The following TRIO variants were observed in gnomAD, a reference collection of about 807,000 sequenced individuals.
TRIO encodes triple functional domain protein.
A neutral mutation model predicts 351.9 loss-of-function variants in TRIO; 58 were observed. The observed-to-expected ratio is 0.16, with a 90% CI of 0.13 to 0.21. The LOEUF is 0.21. Ranked by LOEUF, TRIO falls within the 10% of genes least tolerant of loss-of-function variation. TRIO has a pLI of 1.00. For synonymous variants in TRIO, 1,758 were observed against 1,595.7 expected, an observed-to-expected ratio of 1.10 and a Z score of -2.42; for missense variants, 3,201 against 4,027.8, an observed-to-expected ratio of 0.79 and a Z score of 5.56.
rs775980433 is a variant in TRIO, at chr5:14,406,634, G to A, written c.4921G>A (p.Ala1641Thr). 41 of 1,613,974 alleles carry A rather than the reference G, an allele frequency of 2.5e-5. No homozygotes were observed. The Admixed American group carries it at 3.7e-4, about 14-fold the overall frequency. ...GSSQPDTISI[A>T]SRTSQNTLDS... ...CAGCCAGCCTGATACGATTTCCATC[G>A]CCTCACGGACGTCTCAGAACACGCT... The change falls in exon 33 of 57, where the codon GCC becomes ACC. Residue 1641 changes from alanine to threonine, a missense_variant. Around this residue, in one of 19 missense-constraint regions of TRIO, gnomAD observed 136 missense variants for 229.5 expected, o/e 0.59. Transcript: ENST00000344204.
At chr5:14,350,863 G>A (rs750038698) in intron 11 of TRIO, among the ~76,000 whole-genome samples, 11 of 152,196 alleles carry the variant, frequency 7.2e-5, no homozygotes, top group Non-Finnish European at 1.3e-4. Context: ...ACAGACCAGC[G>A]GTGTTGGTGG....
chr5:14,206,079 TGA>T (rs1383140131), intron 1 of TRIO, among the ~76,000 whole-genome samples: 3 of 150,650 alleles, frequency 2.0e-5, no homozygotes, highest in African/African-American at 7.3e-5. Context: ...TTTTTATTTT[TGA>T]GATGGTTTCT....
At chr5:14,200,612 T>G (rs1483022830) in intron 1 of TRIO, among the ~76,000 whole-genome samples, 1 of 152,166 alleles carries the variant, frequency 6.6e-6, no homozygotes, top group East Asian at 1.9e-4. Flanking sequence ...TGGAAATTGG[T>G]GGACTGAACC....
intron 21 of TRIO, 100 bp downstream of exon 21, chr5:14,381,352 C>G: frequency 7.1e-7 from 1 of 1,410,526 alleles, no homozygotes; most frequent in East Asian, 2.4e-5. Context: ...AAAAGGATGA[C>G]CCAGTGGGCT....
chr5:14,426,492 A>T (rs774109847), intron 34 of TRIO, among the ~76,000 whole-genome samples: 11 of 152,240 alleles, frequency 7.2e-5, no homozygotes, highest in Non-Finnish European at 1.3e-4. Flanking sequence ...AAGTCCAGTT[A>T]GATGAACTCC....
intron 21 of TRIO, among the ~76,000 whole-genome samples, chr5:14,384,417 A>G (rs565130376): frequency 2.0e-5 from 3 of 152,350 alleles, no homozygotes; most frequent in Middle Eastern, 3.4e-3. Flanking sequence ...CAGTTCCTCG[A>G]TTATGCCTAC....
intron 33 of TRIO, among the ~76,000 whole-genome samples, chr5:14,407,133 C>T (rs1748799289): frequency 6.6e-6 from 1 of 152,058 alleles, no homozygotes; most frequent in South Asian, 2.1e-4. Flanking sequence ...CACGGCATCC[C>T]TGGAGGACAG....
At position 14,508,216 on chromosome 5, in the gene TRIO, C is replaced by T. The variant is rs2126724644; in HGVS notation, c.9088C>T (p.Leu3030Phe). 1.9e-6 allele frequency: 3 copies of T among 1,614,114 alleles called. No homozygotes were observed. Among genetic ancestry groups the T allele is most frequent in the Non-Finnish European group, 2.5e-6 (3 of 1,180,042 alleles). Residue 3030 changes from leucine (L) to phenylalanine (F), a missense_variant, in exon 57 of 57, where the codon CTC (leucine) becomes TTC (phenylalanine). Physicochemically the swap from Leu to Phe is conservative, Grantham distance 22. Transcript: ENST00000344204. ...SQKAKEFVCF[L>F]LQEDPAKRPS... ...GAAGGCCAAGGAGTTCGTGTGCTTC[C>T]TCCTGCAGGAGGACCCCGCCAAGCG...
chr5:14,307,290 C>G (rs1581582052), intron 8 of TRIO, among the ~76,000 whole-genome samples: 2 of 152,188 alleles, frequency 1.3e-5, no homozygotes, highest in South Asian at 4.1e-4. Flanking sequence ...GATCCTATTT[C>G]CCCAAGTGTT....
chr5:14,443,580 C>T lies in TRIO; in HGVS notation c.5204-17439C>T, dbSNP rs555485166. Among the ~76,000 whole-genome samples, 13 of 152,320 alleles carry T rather than the reference C, an allele frequency of 8.5e-5. No individual in the cohort carries two copies. The South Asian group carries it at 1.2e-3, about 15-fold the overall frequency. On this transcript the variant is annotated intron_variant, in intron 34 of 56. Transcript: ENST00000344204. ...GAGTGTGATTGCAAAGCCCGTCTTA[C>T]ACCTGCAAGCAGTCTGGGGCTTCAT...
chr5:14,275,852 CTG>C (rs1561280776), intron 2 of TRIO, among the ~76,000 whole-genome samples: 2 of 127,694 alleles, frequency 1.6e-5, no homozygotes. Flanking sequence ...AAACACAACT[CTG>C]TCTCTATGTG....
At chr5:14,234,298 A>G (rs1793644484) in intron 1 of TRIO, among the ~76,000 whole-genome samples, 1 of 152,180 alleles carries the variant, frequency 6.6e-6, no homozygotes, top group Admixed American at 6.5e-5. Context: ...GGCAGTGGAT[A>G]GGGGTGCCGG....
intron 33 of TRIO, among the ~76,000 whole-genome samples, chr5:14,417,529 C>CT (rs1266203763): frequency 2.0e-5 from 3 of 152,206 alleles, no homozygotes; most frequent in Non-Finnish European, 4.4e-5. Context: ...GCTCCTGGGT[C>CT]TCTGGGTGTG....
chr5:14,486,191 T>C (rs941159374), intron 47 of TRIO, among the ~76,000 whole-genome samples: 1 of 152,248 alleles, frequency 6.6e-6, no homozygotes, highest in African/African-American at 2.4e-5. Flanking sequence ...TCCGAAGCTA[T>C]GTGCCCATGT....
At chr5:14,144,338 T>G (rs1787359708) in intron 1 of TRIO, among the ~76,000 whole-genome samples, 1 of 152,170 alleles carries the variant, frequency 6.6e-6, no homozygotes, top group Non-Finnish European at 1.5e-5. Flanking sequence ...CTTTGATCTG[T>G]GCCTGTCTCT....
At chr5:14,505,172 GAA>G (rs1284703253) in intron 55 of TRIO, among the ~76,000 whole-genome samples, 1 of 152,248 alleles carries the variant, frequency 6.6e-6, no homozygotes. Flanking sequence ...GTCACGTCAA[GAA>G]AAGAGTTTGA....
At chr5:14,404,630 C>A (rs1748544601) in intron 31 of TRIO, among the ~76,000 whole-genome samples, 1 of 152,138 alleles carries the variant, frequency 6.6e-6, no homozygotes, top group Non-Finnish European at 1.5e-5. Context: ...TCTCCCGAGT[C>A]CCTTACTTTC....
At chr5:14,382,971 C>G (rs1420630668) in intron 21 of TRIO, among the ~76,000 whole-genome samples, 1 of 151,846 alleles carries the variant, frequency 6.6e-6, no homozygotes, top group Admixed American at 6.6e-5. Flanking sequence ...GTGTGTTAGA[C>G]ATGGGAACTT....
intron 9 of TRIO, among the ~76,000 whole-genome samples, chr5:14,329,813 CA>C (rs1422996154): frequency 6.6e-6 from 1 of 152,164 alleles, no homozygotes; most frequent in East Asian, 1.9e-4. Flanking sequence ...AGTGTAAATG[CA>C]GTTGTCCCTC....
Sources: gnomAD v4.1 joint callset for allele counts (sites outside exome capture counted in the v4.1 genomes callset) on GRCh38, gnomAD v4.1.1 for gene constraint, gnomAD v4.1.1 regional missense constraint, MANE v1.5 for transcripts, NCBI Gene and HGNC (gene_info 2026-07-23, HGNC 2026-07-21) for gene names.